The following ZNF420 variants were observed in gnomAD, a reference collection of about 807,000 sequenced individuals.
ZNF420 encodes ATM and p53-associated KZNF protein.
ZNF420 carries 31 observed loss-of-function variants against 44.7 expected under a neutral mutation model. That is an observed-to-expected ratio of 0.69 (90% CI 0.52 to 0.94). ZNF420 has a LOEUF of 0.94. Ranked by LOEUF, ZNF420 falls within the 40% of genes least tolerant of loss-of-function variation. The pLI, the probability that ZNF420 is intolerant of heterozygous loss-of-function variation, is 0.00. For synonymous variants in ZNF420, 245 were observed against 267.4 expected (o/e 0.92, Z 0.82); for missense variants, 681 against 827.9 (o/e 0.82, Z 2.18).
At chr19:37,086,643 T>G (rs1968804052) in intron 2 of ZNF420, among the ~76,000 whole-genome samples, 1 of 152,238 alleles carries the variant, frequency 6.6e-6, no homozygotes. Context: ...CAATTTTTGC[T>G]TCACACATTT....
At chr19:37,122,843 G>A (rs1971131051) in intron 4 of ZNF420, among the ~76,000 whole-genome samples, 1 of 152,082 alleles carries the variant, frequency 6.6e-6, no homozygotes, top group African/African-American at 2.4e-5. Context: ...AGCTTTAAAT[G>A]TTATTTCGTG....
intron 4 of ZNF420, chr19:37,109,389 C>T (rs1450245054): frequency 6.6e-6 from 1 of 151,988 alleles, no homozygotes; most frequent in Non-Finnish European, 1.5e-5. Context: ...GGGAGACTTA[C>T]CACCATTGAT....
chr19:37,035,632 A>G (rs1038550457), intron 1 of ZNF420, among the ~76,000 whole-genome samples: 4 of 152,180 alleles, frequency 2.6e-5, no homozygotes, highest in African/African-American at 4.8e-5. Context: ...GGGCCCCATC[A>G]TTTGTTTGCT....
At chr19:37,120,798 A>T (rs1383099756) in intron 4 of ZNF420, among the ~76,000 whole-genome samples, 2 of 152,228 alleles carry the variant, frequency 1.3e-5, no homozygotes, top group Non-Finnish European at 2.9e-5. Flanking sequence ...AAATCAGTGT[A>T]CAAAAATCAG....
intron 2 of ZNF420, among the ~76,000 whole-genome samples, chr19:37,081,700 A>ATTTTTT (rs35066350): frequency 1.5e-5 from 1 of 66,914 alleles, no homozygotes; most frequent in African/African-American, 6.1e-5. Context: ...TAATTTTTGT[A>ATTTTTT]TTTTTTTTTT....
rs116976636 is a variant in ZNF420 at position 37,029,219 on chromosome 19, C to T, written c.-125+21137C>T. On this transcript the variant is annotated intron_variant, in intron 1 of 4. Coordinates refer to the ZNF420 transcript ENST00000587029. ...TATGGACACATATGGTAAACTACAG[C>T]CAGAGACACAAAATAAGAAGAAAGG... 6.2e-3 allele frequency among the ~76,000 whole-genome samples: 939 copies of T among 152,206 alleles called. 28 individuals carry two copies. Among genetic ancestry groups the T allele is most frequent in the East Asian group, 0.049 (255 of 5,166 alleles).
At chr19:37,077,391 A>G (rs1057103741), upstream of ZNF420, among the ~76,000 whole-genome samples, 5 of 152,306 alleles carry the variant, frequency 3.3e-5, no homozygotes, top group African/African-American at 1.2e-4. Context: ...TTACCCTCTA[A>G]TTAGAAAATA....
At chr19:37,078,862 A>G (rs2034042981) in intron 1 of ZNF420, among the ~76,000 whole-genome samples, 3 of 152,288 alleles carry the variant, frequency 2.0e-5, no homozygotes, top group South Asian at 4.1e-4. Context: ...GCCTGTGACT[A>G]TGAAGTGTGT....
chr19:37,008,228 T>G, intron 1 of ZNF420: 1 of 300,322 alleles, frequency 3.3e-6, no homozygotes, highest in Non-Finnish European at 6.3e-6. Flanking sequence ...CGGGGGGGGA[T>G]GTTTGTGTAC....
intron 4 of ZNF420, among the ~76,000 whole-genome samples, chr19:37,116,987 A>C (rs1234674149): frequency 1.3e-5 from 2 of 152,222 alleles, no homozygotes; most frequent in African/African-American, 4.8e-5. Flanking sequence ...CACCACAGCT[A>C]AAGGAGGCCT....
intron 2 of ZNF420, among the ~76,000 whole-genome samples, chr19:37,088,802 C>T (rs1168143539): frequency 3.9e-5 from 6 of 151,954 alleles, no homozygotes; most frequent in Non-Finnish European, 7.4e-5. Flanking sequence ...ATAGATGTGT[C>T]GTTATTACCT....
intron 1 of ZNF420, among the ~76,000 whole-genome samples, chr19:37,008,483 C>T (rs1456201982): frequency 1.3e-5 from 2 of 152,174 alleles, no homozygotes; most frequent in Non-Finnish European, 1.5e-5. Flanking sequence ...TGAGTGGCAG[C>T]TTTTCTAGGA....
chr19:37,009,628 G>C (rs1271681332), intron 1 of ZNF420, among the ~76,000 whole-genome samples: 1 of 152,202 alleles, frequency 6.6e-6, no homozygotes, highest in Non-Finnish European at 1.5e-5. Context: ...TTTGGCAAGC[G>C]GGGCAGGCCA....
At chr19:37,025,944 G>A (rs990190650) in intron 1 of ZNF420, among the ~76,000 whole-genome samples, 2 of 151,188 alleles carry the variant, frequency 1.3e-5, no homozygotes, top group Admixed American at 1.3e-4. Flanking sequence ...CCTGGCCTAA[G>A]CCTGTCTTCT....
chr19:37,010,086 G>T (rs953099734), intron 1 of ZNF420, among the ~76,000 whole-genome samples: 1 of 152,192 alleles, frequency 6.6e-6, no homozygotes. Flanking sequence ...CCCGAGGCGC[G>T]AGAGGATTAT....
chr19:37,089,922 G>A (rs777269578), intron 3 of ZNF420, among the ~76,000 whole-genome samples: 27 of 152,118 alleles, frequency 1.8e-4, no homozygotes, highest in Non-Finnish European at 3.5e-4. Context: ...AATTATTGAT[G>A]ACAAGGAAAA....
chr19:37,122,623 C>A (rs1599723662), intron 4 of ZNF420, among the ~76,000 whole-genome samples: 1 of 147,662 alleles, frequency 6.8e-6, no homozygotes, highest in Non-Finnish European at 1.5e-5. Context: ...TTTAAAAAAA[C>A]AACAACACAT....
chr19:37,014,986 A>G (rs2074599081), intron 1 of ZNF420, among the ~76,000 whole-genome samples: 1 of 152,152 alleles, frequency 6.6e-6, no homozygotes, highest in South Asian at 2.1e-4. Flanking sequence ...ATCTCCTTGA[A>G]AGTCGTCCCC....
chr19:37,129,362 CATG>C lies in ZNF420; in HGVS notation c.*307_*309del, dbSNP rs1209476528. ...TAGTTGATCTTTTTGTTATATGTATCATGATACTTAACCTCTACCTTGGTTTAA... is the reference window on the plus strand; with the variant it reads ...TAGTTGATCTTTTTGTTATATGTATCATACTTAACCTCTACCTTGGTTTAA... On this transcript the variant is annotated 3_prime_UTR_variant, in exon 5 of 5. Transcript: ENST00000337995. The C allele has an allele frequency of 2.8e-5, 9 of 318,450 alleles. No individual in the cohort carries two copies. The highest frequency in any genetic ancestry group is 1.7e-4 in the African/African-American group (8 of 46,782). The allele number at this position is 318,450 out of a possible 1,614,324, so 19.7% of individuals were successfully genotyped here.
Sources: allele counts gnomAD v4.1 joint callset (sites outside exome capture counted in the v4.1 genomes callset), GRCh38; gene constraint gnomAD v4.1.1; transcripts MANE v1.5; gene names NCBI Gene and HGNC (gene_info 2026-07-23, HGNC 2026-07-21).